Variants in PCDH15 observed in about 807,000 individuals in gnomAD.
PCDH15 encodes protocadherin-15.
A neutral mutation model predicts 178.5 loss-of-function variants in PCDH15; 129 were observed. That is an observed-to-expected ratio of 0.72 (90% CI 0.63 to 0.84). PCDH15 has a LOEUF of 0.84. Ranked by LOEUF, PCDH15 falls within the 40% of genes least tolerant of loss-of-function variation. The pLI is 0.00. For missense variants in PCDH15, 2,230 were observed against 2,099.9 expected, an observed-to-expected ratio of 1.06 and a Z score of -1.21; for synonymous variants, 800 against 732.0, an observed-to-expected ratio of 1.09 and a Z score of -1.50.
At chr10:54,066,966 T>C (rs2094147038) in intron 17 of PCDH15, 81 bp from the exon 18 acceptor site, 1 of 1,407,536 alleles carries the variant, frequency 7.1e-7, no homozygotes, top group South Asian at 1.2e-5. Flanking sequence ...CTGGCATTTG[T>C]CTATCTGAAA....
chr10:55,132,972 T>C (rs763014806), intron 2 of PCDH15, among the ~76,000 whole-genome samples: 1 of 152,156 alleles, frequency 6.6e-6, no homozygotes, highest in Non-Finnish European at 1.5e-5. Context: ...AAGTAAAGCA[T>C]GGAAACATTT....
chr10:55,258,255 A>T (rs190966171), intron 1 of PCDH15, among the ~76,000 whole-genome samples: 4 of 152,202 alleles, frequency 2.6e-5, no homozygotes, highest in African/African-American at 9.6e-5. Flanking sequence ...GAGATTACTG[A>T]TAAAATATTA....
chr10:54,795,421 G>C (rs2133616198), intron 1 of PCDH15, among the ~76,000 whole-genome samples: 1 of 151,862 alleles, frequency 6.6e-6, no homozygotes, highest in South Asian at 2.1e-4. Context: ...TAGTAATTCT[G>C]CAAATCAATA....
At chr10:55,101,406 C>CT (rs5785115) in intron 2 of PCDH15, among the ~76,000 whole-genome samples, 32,953 of 143,148 alleles carry the variant, frequency 0.23, 4,117 homozygotes, top group African/African-American at 0.34. Flanking sequence ...AAAAAAAAAA[C>CT]TTTTTTTTTT....
At chr10:55,192,150 G>T (rs1328249303) in intron 1 of PCDH15, among the ~76,000 whole-genome samples, 1 of 151,798 alleles carries the variant, frequency 6.6e-6, no homozygotes, top group African/African-American at 2.4e-5. Context: ...CACTTCATTA[G>T]CTAGTTCATC....
chr10:54,898,308 T>C (rs1023079066), intron 2 of PCDH15, among the ~76,000 whole-genome samples: 4 of 152,180 alleles, frequency 2.6e-5, no homozygotes, highest in African/African-American at 9.6e-5. Flanking sequence ...AAGAATGATA[T>C]ATTTCACACT....
At chr10:54,084,332 G>C (rs1198326945) in intron 16 of PCDH15, among the ~76,000 whole-genome samples, 1 of 151,774 alleles carries the variant, frequency 6.6e-6, no homozygotes, top group Non-Finnish European at 1.5e-5. Context: ...AATTAGCCGG[G>C]TGTGGTGGTG....
intron 12 of PCDH15, 44 bp downstream of exon 12, chr10:54,185,090 T>C (rs776913261): frequency 2.5e-5 from 40 of 1,600,644 alleles, no homozygotes; most frequent in Non-Finnish European, 3.4e-5. Flanking sequence ...CATACATACA[T>C]ACATTCATAC....
intron 2 of PCDH15, among the ~76,000 whole-genome samples, chr10:55,021,407 C>T (rs1840323686): frequency 6.6e-6 from 1 of 152,000 alleles, no homozygotes; most frequent in Non-Finnish European, 1.5e-5. Flanking sequence ...AAGTTTGAAA[C>T]GTTTATTGGA....
At chr10:54,426,877 G>T (rs1956328068) in intron 3 of PCDH15, among the ~76,000 whole-genome samples, 1 of 151,346 alleles carries the variant, frequency 6.6e-6, no homozygotes, top group South Asian at 2.1e-4. Flanking sequence ...AGCAATTATG[G>T]ATTATTTAAA....
At chr10:54,593,440 C>T (rs1331377975) in intron 2 of PCDH15, among the ~76,000 whole-genome samples, 1 of 152,068 alleles carries the variant, frequency 6.6e-6, no homozygotes, top group Non-Finnish European at 1.5e-5. Context: ...ACCTTTTCCC[C>T]AGTGTGTATT....
At chr10:54,038,960 A>G (rs1190819901) in intron 18 of PCDH15, among the ~76,000 whole-genome samples, 1 of 151,982 alleles carries the variant, frequency 6.6e-6, no homozygotes, top group Admixed American at 6.6e-5. Context: ...CCAAACTAAT[A>G]TTTGTCATTT....
intron 1 of PCDH15, among the ~76,000 whole-genome samples, chr10:55,305,493 T>C (rs1462539521): frequency 6.6e-6 from 1 of 152,180 alleles, no homozygotes; most frequent in Non-Finnish European, 1.5e-5. Flanking sequence ...CCAGGCACTG[T>C]TGTCCCTCAT....
chr10:54,450,061 C>G (rs2076372459), intron 3 of PCDH15, among the ~76,000 whole-genome samples: 1 of 150,316 alleles, frequency 6.7e-6, no homozygotes. Flanking sequence ...AAATAGAGAA[C>G]CTCTCGGGAA....
rs545199925 is a variant in PCDH15, at chr10:55,211,512, T to C, written c.-155-44861A>G. Among the ~76,000 whole-genome samples, 4 of 152,234 alleles carry C rather than the reference T, an allele frequency of 2.6e-5. No homozygotes were observed. In the East Asian group the frequency reaches 5.8e-4, roughly 22 times the overall value. On this transcript the variant is annotated intron_variant, in intron 1 of 5. Transcript: ENST00000458638. The stretch of plus-strand genomic sequence containing the variant: ...AATTCACATAGAGCTATCAAACTAG[T>C]GTTAAGTGCTTGGCTAACAGTTCAA...
intron 25 of PCDH15, among the ~76,000 whole-genome samples, chr10:53,912,600 C>T (rs997171285): frequency 6.6e-6 from 1 of 152,180 alleles, no homozygotes; most frequent in South Asian, 2.1e-4. Context: ...AGCAAAGTCT[C>T]AGGATACAAA....
At chr10:55,019,611 C>T (rs1840273876) in intron 2 of PCDH15, among the ~76,000 whole-genome samples, 2 of 152,114 alleles carry the variant, frequency 1.3e-5, no homozygotes, top group African/African-American at 4.8e-5. Flanking sequence ...GATGCTGTGA[C>T]TCCTGCTGTA....
chr10:54,250,030 G>A (rs920719067), intron 8 of PCDH15, among the ~76,000 whole-genome samples: 5 of 150,796 alleles, frequency 3.3e-5, no homozygotes, highest in South Asian at 2.1e-4. Flanking sequence ...TCCCACTTCA[G>A]CACCAGAGTA....
At chr10:55,237,635 G>T (rs1165020533) in intron 1 of PCDH15, among the ~76,000 whole-genome samples, 1 of 151,980 alleles carries the variant, frequency 6.6e-6, no homozygotes, top group Non-Finnish European at 1.5e-5. Context: ...CAGAAATTTG[G>T]CTACTTACCT....
Sources: allele counts gnomAD v4.1 joint callset (sites outside exome capture counted in the v4.1 genomes callset), GRCh38; gene constraint gnomAD v4.1.1; transcripts MANE v1.5; gene names NCBI Gene and HGNC (gene_info 2026-07-23, HGNC 2026-07-21).